CTIF: variants seen among roughly 807,000 people sequenced by gnomAD.
CTIF encodes the protein CBP80/20-dependent translation initiation factor.
A neutral mutation model predicts 66.0 loss-of-function variants in CTIF; 21 were observed. That is an observed-to-expected ratio of 0.32 (90% confidence interval 0.23 to 0.46). The LOEUF (loss-of-function observed/expected upper bound fraction) is 0.46, where lower values mean the gene tolerates loss of function less well. CTIF is among the 20% of genes least tolerant of loss of function. The probability of loss-of-function intolerance (pLI) is 1.00; values close to 1 mark genes in which losing one functional copy is unlikely to be tolerated. For synonymous variants in CTIF, 345 were observed against 326.4 expected, an observed-to-expected ratio of 1.06 and a Z score of -0.62; for missense variants, 739 against 812.7, an observed-to-expected ratio of 0.91 and a Z score of 1.10.
intron 7 of CTIF, among the ~76,000 whole-genome samples, chr18:48,713,371 C>G (rs748587159): frequency 2.6e-4 from 40 of 152,140 alleles, no homozygotes; most frequent in Admixed American, 2.2e-3. Context: ...CACCCAGCAT[C>G]CAGGTCAGCC....
At chr18:48,847,705 T>C (rs11661879) in intron 10 of CTIF, among the ~76,000 whole-genome samples, 64,148 of 152,104 alleles carry the variant, frequency 0.42, 16,322 homozygotes, top group African/African-American at 0.72. Context: ...GTTATTTCAA[T>C]TGACTCTCCA....
intron 2 of CTIF, chr18:48,621,722 C>A: frequency 3.8e-6 from 1 of 262,380 alleles, no homozygotes; most frequent in Non-Finnish European, 7.6e-6. Flanking sequence ...CAGAAGCCTG[C>A]CTGTGGCCAG....
chr18:48,759,900 G>C (rs1297857337), intron 8 of CTIF, among the ~76,000 whole-genome samples: 8 of 152,120 alleles, frequency 5.3e-5, no homozygotes, highest in African/African-American at 1.7e-4. Flanking sequence ...GAAGACATGG[G>C]CTCAGGCTCA....
intron 10 of CTIF, among the ~76,000 whole-genome samples, chr18:48,856,836 G>A (rs2069338390): frequency 6.6e-6 from 1 of 152,218 alleles, no homozygotes; most frequent in African/African-American, 2.4e-5. Flanking sequence ...AGTGGTGATG[G>A]TTGCACAATT....
intron 10 of CTIF, among the ~76,000 whole-genome samples, chr18:48,846,504 TGGATGGATG>T (rs2069077686): frequency 6.9e-6 from 1 of 145,738 alleles, no homozygotes; most frequent in Admixed American, 7.6e-5. Flanking sequence ...GATAGATGGA[TGGATGGATG>T]GATGGATGGA....
chr18:48,708,773 C>A (rs548543664), intron 6 of CTIF, among the ~76,000 whole-genome samples: 1 of 152,352 alleles, frequency 6.6e-6, no homozygotes, highest in Non-Finnish European at 1.5e-5. Context: ...CCTCCCCCAG[C>A]ACACCACCCT....
At chr18:48,616,374 G>C (rs1379652146) in intron 1 of CTIF, among the ~76,000 whole-genome samples, 1 of 152,238 alleles carries the variant, frequency 6.6e-6, no homozygotes, top group African/African-American at 2.4e-5. Flanking sequence ...CCTGTGCCCA[G>C]CTGGGGAATA....
At chr18:48,560,321 G>C (rs2089126621) in intron 1 of CTIF, among the ~76,000 whole-genome samples, 1 of 151,360 alleles carries the variant, frequency 6.6e-6, no homozygotes, top group African/African-American at 2.4e-5. Flanking sequence ...CGCCTCCCAG[G>C]TTCACGCCAT....
At chr18:48,719,027 C>T (rs891358886) in intron 7 of CTIF, among the ~76,000 whole-genome samples, 7 of 152,164 alleles carry the variant, frequency 4.6e-5, no homozygotes, top group African/African-American at 7.2e-5. Context: ...GAGAGGTCTG[C>T]TTTCTTTTTG....
At chr18:48,846,902 G>T (rs867165399) in intron 10 of CTIF, among the ~76,000 whole-genome samples, 1 of 152,110 alleles carries the variant, frequency 6.6e-6, no homozygotes, top group Non-Finnish European at 1.5e-5. Context: ...TGGATAAAAG[G>T]GTGGATGAGT....
At chr18:48,798,627 C>G (rs983396665) in intron 9 of CTIF, among the ~76,000 whole-genome samples, 3 of 152,162 alleles carry the variant, frequency 2.0e-5, no homozygotes, top group Non-Finnish European at 4.4e-5. Flanking sequence ...GGGGTGCACC[C>G]CCACCTGCAG....
intron 2 of CTIF, among the ~76,000 whole-genome samples, chr18:48,628,031 G>A (rs1459731840): frequency 6.6e-6 from 1 of 152,208 alleles, no homozygotes; most frequent in Non-Finnish European, 1.5e-5. Flanking sequence ...GGAGACTGGG[G>A]CCGTGTGGTC....
intron 7 of CTIF, among the ~76,000 whole-genome samples, chr18:48,726,425 A>G (rs74403361): frequency 0.024 from 3,673 of 152,278 alleles, 50 homozygotes; most frequent in Middle Eastern, 0.071. Flanking sequence ...TCCTAGCTCA[A>G]AGTCACCCTT....
rs1407355747 is a variant in CTIF, at chr18:48,846,492, AGGATAGATGGATGGAT to A, written c.1528-11091_1528-11076del. Among the ~76,000 whole-genome samples, 810 of 125,288 alleles carry A rather than the reference AGGATAGATGGATGGAT, an allele frequency of 6.5e-3. 6 individuals carry two copies. Among genetic ancestry groups the A allele is most frequent in the African/African-American group, 0.026 (763 of 29,168 alleles). 82.2% of individuals were successfully genotyped at this position (125,288 alleles called of 152,430 possible). On this transcript the variant is annotated intron_variant, in intron 10 of 11. Transcript: ENST00000256413. ...GTAGATGGGTAGATAGATGGATGAAAGGATAGATGGATGGATGGATGGATGGATGGATGGATGGATG... is the reference window on the plus strand; with the variant it reads ...GTAGATGGGTAGATAGATGGATGAAAGGATGGATGGATGGATGGATGGATG...
rs1438178148 is a variant in CTIF, at chr18:48,612,562, G to A, written c.-28-6976G>A. Reference sequence around the variant, plus strand: ...GAGCAACCTGGGAGCACAGTGCTTTGCAGCACCAGGTGACATGGGAAGCGG... The same window carrying A: ...GAGCAACCTGGGAGCACAGTGCTTTACAGCACCAGGTGACATGGGAAGCGG... On this transcript the variant is annotated intron_variant, in intron 1 of 11. Coordinates refer to ENST00000256413, the MANE Select transcript of CTIF (RefSeq NM_014772.3). 3.3e-5 allele frequency among the ~76,000 whole-genome samples: 5 copies of A among 152,344 alleles called. No homozygotes were observed. In the South Asian group the frequency reaches 8.3e-4, roughly 25 times the overall value.
intron 3 of CTIF, among the ~76,000 whole-genome samples, chr18:48,638,862 G>T (rs910958035): frequency 2.6e-5 from 4 of 152,264 alleles, no homozygotes; most frequent in Non-Finnish European, 5.9e-5. Flanking sequence ...GTGGAGGACA[G>T]GGTCTCTGCA....
chr18:48,860,878 C>CT lies in CTIF; in HGVS notation c.*1320dup, dbSNP rs914384824. 1 of 152,290 alleles carries CT rather than the reference C, an allele frequency of 6.6e-6. No homozygotes were observed. Among genetic ancestry groups the CT allele is most frequent in the African/African-American group, 2.4e-5 (1 of 41,468 alleles). The allele number at this position is 152,290 out of a possible 1,614,324, so 9.4% of individuals were successfully genotyped here. A position where few individuals can be genotyped will look rare whatever the true frequency, so the allele number is the denominator to read the frequency against. On this transcript the variant is annotated 3_prime_UTR_variant, in exon 12 of 12. Coordinates refer to ENST00000256413, the MANE Select transcript of CTIF (RefSeq NM_014772.3). ...CGGGGTTTCTTGGCAGGCCCTGGTC[C>CT]TGGGGAGCAGGCCCTGTTGTTGGCT...
intron 10 of CTIF, among the ~76,000 whole-genome samples, chr18:48,834,008 C>T (rs2068751678): frequency 6.6e-6 from 1 of 152,020 alleles, no homozygotes; most frequent in Non-Finnish European, 1.5e-5. Context: ...CTTGCACAAA[C>T]CCCTTCTCTC....
At chr18:48,702,489 G>A (rs1377008444) in intron 6 of CTIF, among the ~76,000 whole-genome samples, 5 of 152,208 alleles carry the variant, frequency 3.3e-5, no homozygotes, top group Admixed American at 6.5e-5. Flanking sequence ...TAGCCTCTGG[G>A]ATAGTATTGA....
Sources: allele counts gnomAD v4.1 joint callset (sites outside exome capture counted in the v4.1 genomes callset), GRCh38; gene constraint gnomAD v4.1.1; transcripts MANE v1.5; gene names NCBI Gene and HGNC (gene_info 2026-07-23, HGNC 2026-07-21).